Variants in CRYBG1 observed in about 807,000 individuals in gnomAD.
CRYBG1 encodes crystallin beta-gamma domain containing 1, also known as beta/gamma crystallin domain-containing protein 1.
In CRYBG1, 139 loss-of-function variants were observed where a neutral mutation model predicts 189.2. The ratio of observed to expected loss-of-function variants is 0.73; its 90% CI spans 0.64 to 0.85. CRYBG1 has a LOEUF of 0.85. CRYBG1 is among the 40% of genes least tolerant of loss of function. The probability of loss-of-function intolerance (pLI) is 0.00; values close to 1 mark genes in which losing one functional copy is unlikely to be tolerated. For missense variants in CRYBG1, 2,611 were observed against 2,675.8 expected (o/e 0.98, Z 0.53); for synonymous variants, 1,023 against 1,017.1 (o/e 1.01, Z -0.11).
chr6:106,568,235 C>A (rs1291301113), intron 21 of CRYBG1, among the ~76,000 whole-genome samples: 1 of 152,200 alleles, frequency 6.6e-6, no homozygotes, highest in Non-Finnish European at 1.5e-5. Context: ...GGTGGGATGT[C>A]CTGTGTGAAG....
chr6:106,564,026 G>A lies in CRYBG1; in HGVS notation c.6301+100G>A, dbSNP rs190810308. 92 of 1,253,092 alleles carry A rather than the reference G, an allele frequency of 7.3e-5. No homozygotes were observed. In the African/African-American group the frequency reaches 1.3e-3, roughly 18 times the overall value. The allele number at this position is 1,253,092 out of a possible 1,614,324, so 77.6% of individuals were successfully genotyped here. On this transcript the variant is annotated intron_variant, in intron 21 of 21. Coordinates refer to ENST00000633556, the MANE Select transcript of CRYBG1 (RefSeq NM_001371242.2). ...TTTGAAAATGATGAATGTATTATTA[G>A]TAGTAACAGTAAGAGAGCCCCTACT... is the stretch of plus-strand genomic sequence containing the variant.
chr6:106,500,786 T>C (rs1212766478), intron 2 of CRYBG1, among the ~76,000 whole-genome samples: 1 of 152,246 alleles, frequency 6.6e-6, no homozygotes, highest in Non-Finnish European at 1.5e-5. Context: ...TTGGGCATTT[T>C]ACAAACATTT....
At chr6:106,393,053 G>A (rs968958133) in intron 1 of CRYBG1, among the ~76,000 whole-genome samples, 2 of 152,184 alleles carry the variant, frequency 1.3e-5, no homozygotes, top group African/African-American at 4.8e-5. Flanking sequence ...GGGATTACAG[G>A]CATGAGCCAC....
At chr6:106,523,075 A>C (rs1202799211) in intron 4 of CRYBG1, among the ~76,000 whole-genome samples, 1 of 152,216 alleles carries the variant, frequency 6.6e-6, no homozygotes, top group Non-Finnish European at 1.5e-5. Context: ...CAGAGCAACG[A>C]TGTCATCACA....
intron 2 of CRYBG1, among the ~76,000 whole-genome samples, chr6:106,491,055 G>T (rs777440608): frequency 3.3e-5 from 5 of 152,180 alleles, no homozygotes; most frequent in Non-Finnish European, 4.4e-5. Context: ...AAAACTACAG[G>T]CTTGCTATAT....
chr6:106,526,646 A>G (rs937042232), intron 6 of CRYBG1, among the ~76,000 whole-genome samples: 1 of 152,196 alleles, frequency 6.6e-6, no homozygotes, highest in Admixed American at 6.5e-5. Flanking sequence ...TTCTACACAT[A>G]TAAGGAGACA....
intron 2 of CRYBG1, among the ~76,000 whole-genome samples, chr6:106,493,186 T>A (rs977273144): frequency 2.0e-5 from 3 of 152,246 alleles, no homozygotes; most frequent in African/African-American, 7.2e-5. Context: ...CTTTAAAAAA[T>A]GGGCAAAAGA....
chr6:106,543,003 ATTTAT>A (rs1420243490), intron 10 of CRYBG1, among the ~76,000 whole-genome samples: 1 of 142,832 alleles, frequency 7.0e-6, no homozygotes, highest in Non-Finnish European at 1.5e-5. Context: ...ATTTTATTTT[ATTTAT>A]TTTAATTAAA....
chr6:106,535,288 A>C (rs1562109236), intron 8 of CRYBG1, among the ~76,000 whole-genome samples: 1 of 152,174 alleles, frequency 6.6e-6, no homozygotes, highest in Non-Finnish European at 1.5e-5. Context: ...TGTATATTTC[A>C]TTGTGGAATA....
chr6:106,517,353 TATATATACAC>T (rs1479501308), intron 3 of CRYBG1, among the ~76,000 whole-genome samples: 9 of 81,554 alleles, frequency 1.1e-4, no homozygotes, highest in African/African-American at 3.4e-4. Flanking sequence ...CACACACATA[TATATATACAC>T]ATATATACAC....
At chr6:106,550,366 A>G (rs1774367983) in intron 13 of CRYBG1, among the ~76,000 whole-genome samples, 1 of 152,252 alleles carries the variant, frequency 6.6e-6, no homozygotes, top group Non-Finnish European at 1.5e-5. Context: ...GAGGATCATG[A>G]GAATGATGAA....
intron 1 of CRYBG1, among the ~76,000 whole-genome samples, chr6:106,433,392 C>G (rs1385284891): frequency 1.3e-5 from 2 of 152,072 alleles, no homozygotes; most frequent in Admixed American, 1.3e-4. Flanking sequence ...GCTCTGGTTT[C>G]CCTATGCTTT....
At chr6:106,495,273 G>A (rs948786669) in intron 2 of CRYBG1, among the ~76,000 whole-genome samples, 2 of 152,180 alleles carry the variant, frequency 1.3e-5, no homozygotes, top group Non-Finnish European at 2.9e-5. Context: ...GAGCTCACCA[G>A]GGTATGCTGG....
chr6:106,408,815 T>A (rs970159866), intron 1 of CRYBG1, among the ~76,000 whole-genome samples: 3 of 152,136 alleles, frequency 2.0e-5, no homozygotes, highest in Admixed American at 6.6e-5. Flanking sequence ...TTAGATAAAA[T>A]TCAACACCCT....
chr6:106,448,070 G>T (rs1771701438), intron 1 of CRYBG1, among the ~76,000 whole-genome samples: 1 of 152,150 alleles, frequency 6.6e-6, no homozygotes, highest in Admixed American at 6.5e-5. Flanking sequence ...CATGCTCCTG[G>T]GACGGCCTGA....
At chr6:106,451,066 T>C (rs1375043262) in intron 1 of CRYBG1, among the ~76,000 whole-genome samples, 1 of 152,110 alleles carries the variant, frequency 6.6e-6, no homozygotes, top group African/African-American at 2.4e-5. Flanking sequence ...GCTGAACAAA[T>C]TTAGGATTAT....
At chr6:106,462,783 G>A (rs1772039167) in intron 2 of CRYBG1, among the ~76,000 whole-genome samples, 1 of 152,146 alleles carries the variant, frequency 6.6e-6, no homozygotes. Flanking sequence ...GACTTGACAG[G>A]TGATGTTGTC....
chr6:106,395,831 A>T (rs1369182085), intron 1 of CRYBG1, among the ~76,000 whole-genome samples: 1 of 151,902 alleles, frequency 6.6e-6, no homozygotes, highest in Non-Finnish European at 1.5e-5. Context: ...GGTCTAAATC[A>T]CTCTTTGGCA....
intron 3 of CRYBG1, among the ~76,000 whole-genome samples, 156 bp from the exon 4 acceptor site, chr6:106,518,975 G>GCACGCA (rs1554188404): frequency 7.4e-6 from 1 of 134,288 alleles, no homozygotes; most frequent in African/African-American, 2.7e-5. Flanking sequence ...ACATGTGTGC[G>GCACGCA]CACACACACA....
Sources: allele counts gnomAD v4.1 joint callset (sites outside exome capture counted in the v4.1 genomes callset), GRCh38; gene constraint gnomAD v4.1.1; transcripts MANE v1.5; gene names NCBI Gene and HGNC (gene_info 2026-07-23, HGNC 2026-07-21).